WNK3: variants seen among roughly 807,000 people sequenced by gnomAD.
WNK3 encodes the protein serine/threonine-protein kinase WNK3.
WNK3 carries 18 observed loss-of-function variants against 116.7 expected under a neutral mutation model. The ratio of observed to expected loss-of-function variants is 0.15; its 90% CI spans 0.11 to 0.23. The LOEUF (loss-of-function observed/expected upper bound fraction) is 0.23, where lower values mean the gene tolerates loss of function less well. WNK3 is among the 10% of genes least tolerant of loss of function. The pLI, the probability that WNK3 is intolerant of heterozygous loss-of-function variation, is 1.00. For missense variants in WNK3, 993 were observed against 1,323.8 expected, an observed-to-expected ratio of 0.75 and a Z score of 3.88; for synonymous variants, 404 against 469.4, an observed-to-expected ratio of 0.86 and a Z score of 1.80.
At chrX:54,217,392 G>A (rs1557145612) in intron 22 of WNK3, among the ~76,000 whole-genome samples, 1 of 3,435 alleles carries the variant, frequency 2.9e-4, no homozygotes, top group Admixed American at 3.7e-3. Flanking sequence ...ACTTTGGGGC[G>A]GGTGGATCAT....
exon 1 of WNK3, chrX:54,357,767 A>G (rs1253042337): frequency 9.0e-6 from 1 of 111,640 alleles, no homozygotes; most frequent in Non-Finnish European, 1.9e-5. Context: ...CTCTCGCCCC[A>G]CGACGAGCCA....
At chrX:54,242,563 C>T (rs1442666130) in intron 17 of WNK3, among the ~76,000 whole-genome samples, 2 of 112,529 alleles carry the variant, frequency 1.8e-5, no homozygotes, top group African/African-American at 6.5e-5. Flanking sequence ...CATTTTGCTA[C>T]TGGCATAAGG....
intron 7 of WNK3, 148 bp downstream of exon 7, chrX:54,298,027 C>G (rs782549702): frequency 1.4e-5 from 6 of 434,559 alleles, no homozygotes; most frequent in Non-Finnish European, 2.4e-5. Flanking sequence ...GAGCCGAGAT[C>G]GCACCACTGC....
At chrX:54,262,943 A>G (rs1355111096) in intron 10 of WNK3, among the ~76,000 whole-genome samples, 2 of 7,383 alleles carry the variant, frequency 2.7e-4, no homozygotes, top group African/African-American at 1.8e-3. Flanking sequence ...AAAAAAAAAA[A>G]AAAAAGAAAA....
rs782820361 is a variant in WNK3 at position 54,333,376 on chromosome X, C to G, written c.298G>C (p.Gly100Arg). 19 of 1,210,880 alleles carry G rather than the reference C, an allele frequency of 1.6e-5. No homozygotes were observed. The South Asian group carries it at 3.0e-4, about 19-fold the overall frequency. Residue 100 changes from glycine (G) to arginine (R), a missense_variant, in exon 2 of 24, where the codon GGT becomes CGT. Coordinates refer to ENST00000354646, the Ensembl canonical transcript of WNK3. ...TGTTCATATTTAACTTCTTGTCCAC[C>G]TCTCAACACATTTGAAGGAAGCTTA...
intron 23 of WNK3, among the ~76,000 whole-genome samples, chrX:54,201,586 TTGC>T (rs782486226): frequency 3.3e-4 from 37 of 112,080 alleles, no homozygotes; most frequent in African/African-American, 1.2e-3. Flanking sequence ...TCTTTGATAC[TTGC>T]TGGATTTTTT....
intron 1 of WNK3, among the ~76,000 whole-genome samples, chrX:54,344,311 C>A (rs548671524): frequency 6.3e-5 from 7 of 110,314 alleles, no homozygotes; most frequent in Non-Finnish European, 1.3e-4. Context: ...GGCGTCGTGG[C>A]GGGCGCCTGT....
At chrX:54,233,172 C>T in intron 20 of WNK3, 152 bp from the exon 21 acceptor site, 1 of 445,991 alleles carries the variant, frequency 2.2e-6, no homozygotes, top group Non-Finnish European at 3.7e-6. Flanking sequence ...CATCCATAAT[C>T]CCAGCACTTT....
At chrX:54,339,173 C>T (rs1051092420) in intron 1 of WNK3, among the ~76,000 whole-genome samples, 3 of 110,838 alleles carry the variant, frequency 2.7e-5, no homozygotes, top group Non-Finnish European at 5.7e-5. Context: ...CATCTAACAA[C>T]AGAGTCCCAA....
chrX:54,308,371 T>C (rs1271811374), intron 4 of WNK3, among the ~76,000 whole-genome samples: 2 of 109,400 alleles, frequency 1.8e-5, no homozygotes, highest in Non-Finnish European at 3.8e-5. Flanking sequence ...TTTGTATTTT[T>C]AGTAGAGACG....
chrX:54,207,509 CT>C (rs782017192), intron 22 of WNK3, among the ~76,000 whole-genome samples: 326 of 84,270 alleles, frequency 3.9e-3, no homozygotes, highest in Middle Eastern at 5.9e-3. Flanking sequence ...GCCCATTTAT[CT>C]TTTTTTTTTT....
chrX:54,232,113 G>GTA (rs781829275), intron 21 of WNK3, among the ~76,000 whole-genome samples: 10,871 of 94,866 alleles, frequency 0.11, 617 homozygotes, highest in African/African-American at 0.16. Context: ...GTGTGTGTGT[G>GTA]TATATATATA....
chrX:54,335,070 A>C (rs782104375), intron 1 of WNK3, among the ~76,000 whole-genome samples: 1 of 110,419 alleles, frequency 9.1e-6, no homozygotes, highest in Admixed American at 9.8e-5. Flanking sequence ...AGACCAAACC[A>C]GCCTGGTTTA....
intron 1 of WNK3, among the ~76,000 whole-genome samples, chrX:54,338,343 A>C (rs1332791622): frequency 9.1e-6 from 1 of 110,064 alleles, no homozygotes; most frequent in African/African-American, 3.3e-5. Flanking sequence ...AATCGCTTGA[A>C]CCCAGAATGC....
intron 22 of WNK3, among the ~76,000 whole-genome samples, chrX:54,207,200 C>T (rs990417548): frequency 2.7e-5 from 3 of 110,876 alleles, no homozygotes; most frequent in Non-Finnish European, 5.7e-5. Context: ...AGAACAAGTA[C>T]ATTATTTTAT....
intron 1 of WNK3, among the ~76,000 whole-genome samples, chrX:54,348,288 T>C (rs1323541761): frequency 9.1e-6 from 1 of 110,496 alleles, no homozygotes; most frequent in African/African-American, 3.3e-5. Flanking sequence ...GCAATTCTCC[T>C]GCCTCAGCCT....
intron 23 of WNK3, among the ~76,000 whole-genome samples, chrX:54,199,724 C>T (rs2067483236): frequency 9.0e-6 from 1 of 111,598 alleles, no homozygotes; most frequent in Non-Finnish European, 1.9e-5. Flanking sequence ...ATCTCGGCTA[C>T]TCAGGAGGCT....
intron 11 of WNK3, 118 bp downstream of exon 11, chrX:54,259,156 T>A: frequency 3.0e-5 from 7 of 231,677 alleles, no homozygotes; most frequent in South Asian, 1.7e-4. Flanking sequence ...TTATTAAACA[T>A]CCACACAAGT....
intron 2 of WNK3, among the ~76,000 whole-genome samples, chrX:54,320,070 T>C (rs1557171806): frequency 8.9e-6 from 1 of 112,096 alleles, no homozygotes; most frequent in African/African-American, 3.2e-5. Context: ...TTCATTTATA[T>C]AGCTGATAAA....
Sources: allele counts gnomAD v4.1 joint callset (sites outside exome capture counted in the v4.1 genomes callset), GRCh38; gene constraint gnomAD v4.1.1; transcripts MANE v1.5; gene names NCBI Gene and HGNC (gene_info 2026-07-23, HGNC 2026-07-21).